SULF1: variants seen among roughly 807,000 people sequenced by gnomAD.
SULF1 encodes extracellular sulfatase Sulf-1.
A neutral mutation model predicts 110.5 loss-of-function variants in SULF1; 46 were observed. The observed-to-expected ratio is 0.42, with a 90% CI of 0.33 to 0.53. The LOEUF is 0.53. Ranked by LOEUF, SULF1 falls within the 20% of genes least tolerant of loss-of-function variation. The pLI, the probability that SULF1 is intolerant of heterozygous loss-of-function variation, is 0.12. For missense variants in SULF1, 941 were observed against 1,094.2 expected, an observed-to-expected ratio of 0.86 and a Z score of 1.98; for synonymous variants, 371 against 387.1, an observed-to-expected ratio of 0.96 and a Z score of 0.49.
At chr8:69,543,491 G>A (rs1038041177) in intron 3 of SULF1, among the ~76,000 whole-genome samples, 10 of 151,622 alleles carry the variant, frequency 6.6e-5, no homozygotes, top group African/African-American at 2.4e-4. Flanking sequence ...TTCTGTTCCT[G>A]CATTAGTTTG....
intron 6 of SULF1, among the ~76,000 whole-genome samples, chr8:69,581,134 T>C (rs1160768702): frequency 6.6e-6 from 1 of 152,166 alleles, no homozygotes; most frequent in Non-Finnish European, 1.5e-5. Context: ...TACAATCTAG[T>C]TGAGGAAACC....
At chr8:69,622,075 T>C (rs2130555228) in intron 14 of SULF1, among the ~76,000 whole-genome samples, 1 of 152,382 alleles carries the variant, frequency 6.6e-6, no homozygotes. Context: ...CTCCACAATA[T>C]GGGCTTCAGG....
At chr8:69,618,918 A>T (rs376589299) in intron 13 of SULF1, among the ~76,000 whole-genome samples, 2 of 152,238 alleles carry the variant, frequency 1.3e-5, no homozygotes, top group Non-Finnish European at 2.9e-5. Flanking sequence ...AGTGTCAGTT[A>T]TCAGCAAAGC....
At chr8:69,566,798 C>T (rs568595650) in intron 5 of SULF1, among the ~76,000 whole-genome samples, 4 of 151,946 alleles carry the variant, frequency 2.6e-5, no homozygotes, top group South Asian at 2.1e-4. Context: ...TGCAGTGAGC[C>T]GAGATCACAC....
chr8:69,536,345 T>C (rs1448577940), intron 3 of SULF1, among the ~76,000 whole-genome samples: 1 of 152,198 alleles, frequency 6.6e-6, no homozygotes, highest in Non-Finnish European at 1.5e-5. Context: ...GTTGTTCCCT[T>C]TCATCAAACA....
intron 1 of SULF1, among the ~76,000 whole-genome samples, chr8:69,494,316 G>T (rs1261570348): frequency 3.3e-5 from 5 of 152,106 alleles, no homozygotes; most frequent in Non-Finnish European, 7.4e-5. Context: ...TCTATCTAGT[G>T]CTCAGTATGT....
chr8:69,477,464 C>T (rs910294428), intron 1 of SULF1, among the ~76,000 whole-genome samples: 4 of 152,206 alleles, frequency 2.6e-5, no homozygotes, highest in Non-Finnish European at 2.9e-5. Flanking sequence ...GAATACTCCA[C>T]TTAACTTCCT....
At chr8:69,613,658 G>T (rs557846372) in intron 13 of SULF1, among the ~76,000 whole-genome samples, 1 of 152,202 alleles carries the variant, frequency 6.6e-6, no homozygotes, top group South Asian at 2.1e-4. Flanking sequence ...ACAAACCTGA[G>T]TTCAAACCAA....
chr8:69,636,635 G>C (rs1469100701), intron 19 of SULF1, among the ~76,000 whole-genome samples: 1 of 152,152 alleles, frequency 6.6e-6, no homozygotes, highest in African/African-American at 2.4e-5. Context: ...ACAGAAAGTT[G>C]TCGAGATGCT....
At chr8:69,637,344 T>C (rs752682229) in intron 19 of SULF1, among the ~76,000 whole-genome samples, 7 of 152,220 alleles carry the variant, frequency 4.6e-5, no homozygotes, top group Non-Finnish European at 7.3e-5. Flanking sequence ...CTCCACTGTA[T>C]GTTCGTTAGC....
At chr8:69,474,439 T>A (rs1319068456) in intron 1 of SULF1, among the ~76,000 whole-genome samples, 1 of 152,196 alleles carries the variant, frequency 6.6e-6, no homozygotes, top group Non-Finnish European at 1.5e-5. Context: ...CTGAATAGAA[T>A]GTCCCTGTAA....
At chr8:69,644,814 C>CGTT (rs1811765766) in intron 22 of SULF1, among the ~76,000 whole-genome samples, 1 of 151,592 alleles carries the variant, frequency 6.6e-6, no homozygotes, top group Non-Finnish European at 1.5e-5. Context: ...TCTAAACTGC[C>CGTT]TGAACCTCTT....
At chr8:69,481,530 G>A (rs1330480908) in intron 1 of SULF1, among the ~76,000 whole-genome samples, 3 of 152,140 alleles carry the variant, frequency 2.0e-5, no homozygotes, top group South Asian at 2.1e-4. Flanking sequence ...GTGTGCCATG[G>A]TGGTTTGCTG....
chr8:69,521,926 G>A (rs1302312238), intron 3 of SULF1, among the ~76,000 whole-genome samples: 1 of 151,692 alleles, frequency 6.6e-6, no homozygotes, highest in Non-Finnish European at 1.5e-5. Flanking sequence ...AGTAGCAAAA[G>A]TAGTCAGATG....
chr8:69,638,332 A>AAT, intron 19 of SULF1, 170 bp from the exon 20 acceptor site: 1 of 773,134 alleles, frequency 1.3e-6, no homozygotes, highest in African/African-American at 1.8e-5. Context: ...TTCACAGCAA[A>AAT]TTTACCTACG....
intron 6 of SULF1, among the ~76,000 whole-genome samples, chr8:69,581,218 G>A (rs1806037592): frequency 6.6e-6 from 1 of 152,080 alleles, no homozygotes; most frequent in African/African-American, 2.4e-5. Context: ...ATAGTTACTA[G>A]CGTGAAATCC....
chr8:69,543,712 C>G (rs4737989), intron 3 of SULF1, among the ~76,000 whole-genome samples: 87,137 of 151,916 alleles, frequency 0.57, 25,114 homozygotes, highest in East Asian at 0.66. Flanking sequence ...TTTTTTTTGA[C>G]AAATAGCCAC....
At chr8:69,654,513 T>C (rs1204982771) in intron 22 of SULF1, among the ~76,000 whole-genome samples, 1 of 152,248 alleles carries the variant, frequency 6.6e-6, no homozygotes, top group Non-Finnish European at 1.5e-5. Context: ...CAACCTGCCC[T>C]ATCAGGCCCT....
At chr8:69,641,481 C>T (rs1811465862) in intron 22 of SULF1, among the ~76,000 whole-genome samples, 1 of 152,100 alleles carries the variant, frequency 6.6e-6, no homozygotes, top group Admixed American at 6.5e-5. Flanking sequence ...CACAGTGGCT[C>T]ACACCTGTAA....
Sources: allele counts gnomAD v4.1 joint callset (sites outside exome capture counted in the v4.1 genomes callset), GRCh38; gene constraint gnomAD v4.1.1; transcripts MANE v1.5; gene names NCBI Gene and HGNC (gene_info 2026-07-23, HGNC 2026-07-21).